Variants in NRCAM observed in about 807,000 individuals in gnomAD.
The protein encoded by NRCAM is neuronal cell adhesion molecule, also known as NgCAM-related cell adhesion molecule.
A neutral mutation model predicts 156.5 loss-of-function variants in NRCAM; 83 were observed. The ratio of observed to expected loss-of-function variants is 0.53; its 90% CI spans 0.44 to 0.64. The LOEUF (loss-of-function observed/expected upper bound fraction) is 0.64. Ranked by LOEUF, NRCAM falls within the 30% of genes least tolerant of loss-of-function variation. The pLI is 0.00. For synonymous variants in NRCAM, 538 were observed against 563.9 expected (o/e 0.95, Z 0.65); for missense variants, 1,417 against 1,597.3 (o/e 0.89, Z 1.92).
intron 3 of NRCAM, among the ~76,000 whole-genome samples, chr7:108,282,146 C>A (rs991906594): frequency 1.3e-5 from 2 of 152,090 alleles, no homozygotes; most frequent in Non-Finnish European, 2.9e-5. Context: ...TAACAAAGTA[C>A]AGTATAAAGA....
At chr7:108,294,605 T>C (rs140269509) in intron 3 of NRCAM, among the ~76,000 whole-genome samples, 103 of 152,302 alleles carry the variant, frequency 6.8e-4, no homozygotes, top group African/African-American at 2.4e-3. Context: ...AAAATAGACA[T>C]ATCCAAGGGC....
rs897503109 is a variant in NRCAM, at chr7:108,328,977, T to C, written c.-173-16246A>G. 5.9e-5 allele frequency among the ~76,000 whole-genome samples: 9 copies of C among 152,340 alleles called. No individual in the cohort carries two copies. In the East Asian group the frequency reaches 1.7e-3, roughly 29 times the overall value. ...ACATCACATAGATGGTAGAACTTGC[T>C]GTCCAATGACTCACAACAGTCATTT... On this transcript the variant is annotated intron_variant, in intron 2 of 32. Transcript: ENST00000379028.
intron 3 of NRCAM, among the ~76,000 whole-genome samples, chr7:108,288,257 G>A (rs1338567279): frequency 6.6e-6 from 1 of 152,062 alleles, no homozygotes; most frequent in East Asian, 1.9e-4. Context: ...GTGGGAGGGG[G>A]ATGAGGGATG....
At chr7:108,427,352 C>T (rs989331209) in intron 1 of NRCAM, among the ~76,000 whole-genome samples, 4 of 152,216 alleles carry the variant, frequency 2.6e-5, no homozygotes, top group African/African-American at 9.7e-5. Context: ...ACTCCCTGTG[C>T]CTCCGACAAG....
chr7:108,159,935 A>C (rs1280494482), intron 31 of NRCAM, among the ~76,000 whole-genome samples: 1 of 152,148 alleles, frequency 6.6e-6, no homozygotes, highest in African/African-American at 2.4e-5. Context: ...TATAAATTTA[A>C]TGGGCCCACT....
intron 2 of NRCAM, among the ~76,000 whole-genome samples, chr7:108,358,649 A>G (rs2099525175): frequency 6.6e-6 from 1 of 152,186 alleles, no homozygotes; most frequent in South Asian, 2.1e-4. Flanking sequence ...TTCAAGTACA[A>G]TAACTGCATA....
At chr7:108,448,283 T>C (rs527254490) in intron 1 of NRCAM, among the ~76,000 whole-genome samples, 1 of 152,234 alleles carries the variant, frequency 6.6e-6, no homozygotes, top group African/African-American at 2.4e-5. Context: ...GTATTTATTA[T>C]GTTGGAATTT....
chr7:108,338,355 C>T (rs1471232062), intron 2 of NRCAM, among the ~76,000 whole-genome samples: 3 of 152,188 alleles, frequency 2.0e-5, no homozygotes, highest in Non-Finnish European at 2.9e-5. Flanking sequence ...TTTCCTCTAG[C>T]AAGTTGTATC....
intron 2 of NRCAM, among the ~76,000 whole-genome samples, chr7:108,368,612 T>C (rs902174532): frequency 1.3e-5 from 2 of 152,194 alleles, no homozygotes; most frequent in African/African-American, 4.8e-5. Context: ...TATGGAATCC[T>C]TTCCTGACTT....
At chr7:108,220,498 G>T (rs188662277) in intron 11 of NRCAM, among the ~76,000 whole-genome samples, 1 of 152,046 alleles carries the variant, frequency 6.6e-6, no homozygotes, top group East Asian at 1.9e-4. Flanking sequence ...ATAAAAATAC[G>T]CACAAAGACC....
chr7:108,171,911 T>G (rs1038665177), intron 28 of NRCAM, among the ~76,000 whole-genome samples: 1 of 152,222 alleles, frequency 6.6e-6, no homozygotes, highest in East Asian at 1.9e-4. Flanking sequence ...ATTTTTTATT[T>G]ACTGGTTCTT....
In NRCAM at chr7:108,434,999, G is replaced by T. The variant is rs1254606931; in HGVS notation, c.-332+21244C>A. 4.0e-5 allele frequency among the ~76,000 whole-genome samples: 6 copies of T among 148,664 alleles called. No individual in the cohort carries two copies. In the Admixed American group the frequency reaches 4.0e-4, roughly 10 times the overall value. On this transcript the variant is annotated intron_variant, in intron 1 of 32. Transcript: ENST00000379028. ...AATAACAACAAAAATTACGAGACAA[G>T]TAAAGAAAAAGAAAGTGTGACTCAT...
chr7:108,330,295 A>AT (rs914416716), intron 2 of NRCAM, among the ~76,000 whole-genome samples: 2 of 152,166 alleles, frequency 1.3e-5, no homozygotes, highest in African/African-American at 4.8e-5. Flanking sequence ...AAAAGGTTGC[A>AT]TTTTCAAGAA....
intron 1 of NRCAM, among the ~76,000 whole-genome samples, chr7:108,447,506 A>G (rs572899886): frequency 1.6e-4 from 25 of 151,944 alleles, no homozygotes; most frequent in Non-Finnish European, 3.4e-4. Context: ...TCCTGATCTC[A>G]TGATCCGCCT....
At chr7:108,256,059 T>C (rs1314140028) in intron 3 of NRCAM, among the ~76,000 whole-genome samples, 1 of 150,668 alleles carries the variant, frequency 6.6e-6, no homozygotes, top group African/African-American at 2.5e-5. Context: ...GGGGCGCCTC[T>C]GCCCGGCCGC....
At chr7:108,332,361 G>A (rs6971276) in intron 2 of NRCAM, among the ~76,000 whole-genome samples, 35,290 of 152,136 alleles carry the variant, frequency 0.23, 4,430 homozygotes, top group African/African-American at 0.29. Flanking sequence ...GAGAATAGTA[G>A]AGACTGGGTT....
At position 108,418,560 on chromosome 7, in the gene NRCAM, TACACACACAC is replaced by T. The variant is rs59582056; in HGVS notation, c.-331-18977_-331-18968del. Among the ~76,000 whole-genome samples, 446 of 143,718 alleles carry T rather than the reference TACACACACAC, an allele frequency of 3.1e-3. 3 individuals carry two copies. The highest frequency in any genetic ancestry group is 0.01 in the African/African-American group (401 of 38,720). 94.3% of individuals were successfully genotyped at this position (143,718 alleles called of 152,430 possible). A position where few individuals can be genotyped will look rare whatever the true frequency, so the allele number is the denominator to read the frequency against. On this transcript the variant is annotated intron_variant, in intron 1 of 32. Coordinates refer to ENST00000379028, the MANE Select transcript of NRCAM (RefSeq NM_001037132.4). The stretch of plus-strand genomic sequence containing the variant: ...GGTCTTTTATCTGGTATACATATTA[TACACACACAC>T]ACACACACACACACACACACACACA...
rs78511988 is a variant in NRCAM at position 108,148,739 on chromosome 7, T to C, written c.*1171A>G. The C allele has an allele frequency of 0.079, 12,058 of 152,702 alleles. 868 individuals are homozygous for C. Among genetic ancestry groups the C allele is most frequent in the African/African-American group, 0.19 (7,998 of 41,540 alleles). The allele number at this position is 152,702 out of a possible 1,614,324, so 9.5% of individuals were successfully genotyped here. A position where few individuals can be genotyped will look rare whatever the true frequency, so the allele number is the denominator to read the frequency against. On this transcript the variant is annotated 3_prime_UTR_variant, in exon 33 of 33. Coordinates refer to ENST00000379028, the MANE Select transcript of NRCAM (RefSeq NM_001037132.4). ...ATATTACTGTTGGCATGCTGTTGTA[T>C]GCTTTTAGTGTTGGAATAACTTAGT...
intron 13 of NRCAM, among the ~76,000 whole-genome samples, chr7:108,205,996 A>G (rs552767271): frequency 1.2e-4 from 18 of 152,262 alleles, no homozygotes; most frequent in African/African-American, 4.3e-4. Flanking sequence ...ACTCTCTGCC[A>G]TTTCTCTGGA....
Sources: gnomAD v4.1 joint callset for allele counts (sites outside exome capture counted in the v4.1 genomes callset) on GRCh38, gnomAD v4.1.1 for gene constraint, MANE v1.5 for transcripts, NCBI Gene and HGNC (gene_info 2026-07-23, HGNC 2026-07-21) for gene names.